Variants in HMGA2 observed in about 807,000 individuals in gnomAD.
HMGA2 encodes high mobility group protein HMGI-C.
A neutral mutation model predicts 19.1 loss-of-function variants in HMGA2; 8 were observed. The observed-to-expected ratio is 0.42, with a 90% CI of 0.25 to 0.76. HMGA2 has a LOEUF of 0.76. Ranked by LOEUF, HMGA2 falls within the 30% of genes least tolerant of loss-of-function variation. The probability of loss-of-function intolerance (pLI) is 0.28; values close to 1 mark genes in which losing one functional copy is unlikely to be tolerated. For synonymous variants in HMGA2, 60 were observed against 48.8 expected (o/e 1.23, Z -0.96); for missense variants, 109 against 136.3 (o/e 0.80, Z 1.00).
At chr12:65,892,614 GT>G (rs1873958514) in intron 3 of HMGA2, among the ~76,000 whole-genome samples, 1 of 152,068 alleles carries the variant, frequency 6.6e-6, no homozygotes, top group East Asian at 1.9e-4. Context: ...TCTGTGTTGG[GT>G]GACCAAAGCG....
intron 3 of HMGA2, among the ~76,000 whole-genome samples, chr12:65,840,200 C>T (rs575281359): frequency 3.3e-5 from 5 of 152,066 alleles, no homozygotes; most frequent in African/African-American, 7.2e-5. Flanking sequence ...TTCCAGTTAT[C>T]GATTGCTGCA....
intron 3 of HMGA2, among the ~76,000 whole-genome samples, chr12:65,927,831 C>CTCTG (rs1555187377): frequency 4.0e-4 from 58 of 145,130 alleles, no homozygotes; most frequent in African/African-American, 1.4e-3. Context: ...CTCTTTGTAT[C>CTCTG]TGTGTGTGTG....
chr12:65,904,928 G>A (rs1407001502), intron 3 of HMGA2, among the ~76,000 whole-genome samples: 3 of 152,050 alleles, frequency 2.0e-5, no homozygotes, highest in Non-Finnish European at 4.4e-5. Flanking sequence ...TGTAATCCCA[G>A]CTACTTGGGA....
At chr12:65,851,506 A>G (rs1317670397) in intron 3 of HMGA2, 1 of 290,978 alleles carries the variant, frequency 3.4e-6, no homozygotes, top group East Asian at 1.3e-4. Flanking sequence ...CAAGAGCGAA[A>G]CTCCATCTCA....
chr12:65,933,596 T>TA (rs1428891871), intron 3 of HMGA2, among the ~76,000 whole-genome samples: 3 of 152,222 alleles, frequency 2.0e-5, no homozygotes, highest in African/African-American at 7.2e-5. Flanking sequence ...AAAGATTATT[T>TA]AAAAAATTTA....
chr12:65,880,930 A>G (rs774659378), intron 3 of HMGA2, among the ~76,000 whole-genome samples: 1 of 152,200 alleles, frequency 6.6e-6, no homozygotes, highest in Non-Finnish European at 1.5e-5. Context: ...TATGACTGGC[A>G]CGATTCTATC....
intron 4 of HMGA2, chr12:65,953,918 G>C (rs1271833522): frequency 2.0e-5 from 3 of 152,136 alleles, no homozygotes; most frequent in Non-Finnish European, 2.9e-5. Flanking sequence ...AGGCAATCTG[G>C]ATTAACTCAG....
intron 3 of HMGA2, among the ~76,000 whole-genome samples, chr12:65,861,499 A>G (rs1350536740): frequency 6.6e-6 from 1 of 152,186 alleles, no homozygotes. Context: ...TTTTTTAATC[A>G]TCATTTTATA....
chr12:65,873,706 TTA>T (rs1872825318), intron 3 of HMGA2: 1 of 152,194 alleles, frequency 6.6e-6, no homozygotes, highest in African/African-American at 2.4e-5. Context: ...CATTACTCTG[TTA>T]TATTTTATTA....
intron 3 of HMGA2, chr12:65,859,494 T>C (rs1362040865): frequency 2.0e-5 from 3 of 152,214 alleles, no homozygotes; most frequent in Non-Finnish European, 4.4e-5. Context: ...GAAAGCTCTA[T>C]TTCCAATATG....
intron 3 of HMGA2, chr12:65,842,527 A>G: frequency 4.0e-6 from 5 of 1,235,068 alleles, no homozygotes; most frequent in Non-Finnish European, 5.7e-6. Flanking sequence ...GCTGAATATT[A>G]ATCAAGTTTA....
rs112027438 is a variant in HMGA2 at position 65,907,052 on chromosome 12, T to A, written c.250-44331T>A. ...TTTGACTCCAAAGGTGTATGGGCAT[T>A]CCCTGTACCTGAAAACGAGTGGGAG... is the stretch of plus-strand genomic sequence containing the variant. On this transcript the variant is annotated intron_variant, in intron 3 of 4. Transcript: ENST00000403681. Among the ~76,000 whole-genome samples the A allele has an allele frequency of 4.3e-4, 65 of 152,192 alleles. 1 individual carries two copies. Among genetic ancestry groups the A allele is most frequent in the African/African-American group, 1.5e-3 (62 of 41,526 alleles).
intron 3 of HMGA2, among the ~76,000 whole-genome samples, chr12:65,879,134 T>C (rs964696579): frequency 7.9e-5 from 12 of 152,246 alleles, no homozygotes; most frequent in Non-Finnish European, 1.6e-4. Context: ...ATAAAGACTT[T>C]TTTTTATTTT....
At chr12:65,912,638 G>A (rs1340970994) in intron 3 of HMGA2, among the ~76,000 whole-genome samples, 1 of 152,124 alleles carries the variant, frequency 6.6e-6, no homozygotes, top group Non-Finnish European at 1.5e-5. Context: ...AACCTGAGGA[G>A]GTATTGTTCA....
chr12:65,906,794 GT>G (rs1277079456), intron 3 of HMGA2, among the ~76,000 whole-genome samples: 2 of 152,146 alleles, frequency 1.3e-5, no homozygotes, highest in African/African-American at 2.4e-5. Flanking sequence ...AGGATTTTAA[GT>G]TTTTTTATTA....
At chr12:65,894,401 T>TG (rs1350425151) in intron 3 of HMGA2, among the ~76,000 whole-genome samples, 1 of 152,194 alleles carries the variant, frequency 6.6e-6, no homozygotes, top group Non-Finnish European at 1.5e-5. Flanking sequence ...AACTCTATAG[T>TG]GGTGGAGATG....
chr12:65,955,389 A>G (rs1876577499), intron 4 of HMGA2: 1 of 152,200 alleles, frequency 6.6e-6, no homozygotes, highest in Admixed American at 6.5e-5. Flanking sequence ...TTTGATAAAA[A>G]TAAGTGTCTC....
chr12:65,955,519 A>G (rs1030938825), intron 4 of HMGA2: 3 of 152,070 alleles, frequency 2.0e-5, no homozygotes, highest in African/African-American at 4.8e-5. Flanking sequence ...TAATTCAGAC[A>G]TTTTTCTCTC....
chr12:65,846,149 T>A (rs1871226580), intron 3 of HMGA2, among the ~76,000 whole-genome samples: 1 of 152,250 alleles, frequency 6.6e-6, no homozygotes, highest in African/African-American at 2.4e-5. Flanking sequence ...GCCATGACAC[T>A]GAAATTTGTT....
Sources: gnomAD v4.1 joint callset for allele counts (sites outside exome capture counted in the v4.1 genomes callset) on GRCh38, gnomAD v4.1.1 for gene constraint, MANE v1.5 for transcripts, NCBI Gene and HGNC (gene_info 2026-07-23, HGNC 2026-07-21) for gene names.